Variants in KCTD16 observed in about 807,000 individuals in gnomAD.
KCTD16 encodes the protein BTB/POZ domain-containing protein KCTD16.
A neutral mutation model predicts 33.2 loss-of-function variants in KCTD16; 13 were observed. That is an observed-to-expected ratio of 0.39 (90% CI 0.25 to 0.62). KCTD16 has a LOEUF of 0.62. Ranked by LOEUF, KCTD16 falls within the 20% of genes least tolerant of loss-of-function variation. KCTD16 has a pLI of 0.50. For synonymous variants in KCTD16, 197 were observed against 195.3 expected, an observed-to-expected ratio of 1.01 and a Z score of -0.07; for missense variants, 441 against 525.1, an observed-to-expected ratio of 0.84 and a Z score of 1.57.
At chr5:144,389,840 CATAA>C (rs1752410868) in intron 3 of KCTD16, among the ~76,000 whole-genome samples, 1 of 152,160 alleles carries the variant, frequency 6.6e-6, no homozygotes, top group Non-Finnish European at 1.5e-5. Context: ...TTCTGTTGAT[CATAA>C]ATGTTTTAGG....
At chr5:144,391,478 C>T (rs911115674) in intron 3 of KCTD16, among the ~76,000 whole-genome samples, 11 of 152,206 alleles carry the variant, frequency 7.2e-5, no homozygotes, top group African/African-American at 1.9e-4. Context: ...TTCATTAACA[C>T]TGTCCCCACA....
At chr5:144,218,354 A>G (rs1753628827) in intron 3 of KCTD16, among the ~76,000 whole-genome samples, 1 of 152,180 alleles carries the variant, frequency 6.6e-6, no homozygotes, top group South Asian at 2.1e-4. Flanking sequence ...AGGAGAAAAT[A>G]TTTAAATCTT....
chr5:144,423,377 A>C (rs1753252938), intron 3 of KCTD16, among the ~76,000 whole-genome samples: 1 of 152,176 alleles, frequency 6.6e-6, no homozygotes, highest in South Asian at 2.1e-4. Context: ...TGTAGGGGAC[A>C]ATCAGACCTG....
chr5:144,313,129 ATTAT>A (rs1751810087), intron 3 of KCTD16, among the ~76,000 whole-genome samples: 1 of 152,230 alleles, frequency 6.6e-6, no homozygotes, highest in African/African-American at 2.4e-5. Context: ...GTTGATGAAC[ATTAT>A]TTAAATTGGC....
In KCTD16 at chr5:144,474,311, T is replaced by TC. The variant is rs1754547928; in HGVS notation, c.*197_*198insC. ...TCCACAGGGTAGATTTCTTTCTAGA[T>TC]GTGGAAGTACAAGAAAATCTTTTTT... is the stretch of plus-strand genomic sequence containing the variant. On this transcript the variant is annotated 3_prime_UTR_variant, in exon 4 of 4. Coordinates refer to ENST00000512467, the MANE Select transcript of KCTD16 (RefSeq NM_020768.4). The TC allele has an allele frequency of 3.7e-6, 2 of 544,758 alleles. No homozygotes were observed. Among genetic ancestry groups the TC allele is most frequent in the Non-Finnish European group, 6.4e-6 (2 of 311,162 alleles). The allele number at this position is 544,758 out of a possible 1,614,324, so 33.7% of individuals were successfully genotyped here.
intron 3 of KCTD16, among the ~76,000 whole-genome samples, chr5:144,268,059 A>C (rs963852589): frequency 2.0e-5 from 3 of 152,156 alleles, no homozygotes; most frequent in Non-Finnish European, 4.4e-5. Flanking sequence ...TCAGACTTCT[A>C]AGGGAAAGCT....
intron 3 of KCTD16, among the ~76,000 whole-genome samples, chr5:144,392,628 T>C (rs531905536): frequency 1.2e-4 from 18 of 152,350 alleles, no homozygotes; most frequent in East Asian, 1.9e-4. Context: ...CATGTATCTC[T>C]AGCGCTCCTT....
chr5:144,220,150 C>G (rs1334512354), intron 3 of KCTD16, among the ~76,000 whole-genome samples: 1 of 152,180 alleles, frequency 6.6e-6, no homozygotes, highest in East Asian at 1.9e-4. Flanking sequence ...TACCTCTCCC[C>G]CAAACACTCA....
chr5:144,183,285 A>G (rs1752663666), intron 2 of KCTD16, among the ~76,000 whole-genome samples: 1 of 152,218 alleles, frequency 6.6e-6, no homozygotes, highest in African/African-American at 2.4e-5. Context: ...CTATAAAAAC[A>G]TGGTCTCAAA....
intron 3 of KCTD16, among the ~76,000 whole-genome samples, chr5:144,276,279 A>T (rs912351061): frequency 1.3e-5 from 2 of 152,120 alleles, no homozygotes; most frequent in Admixed American, 1.3e-4. Flanking sequence ...TCTCTCAACA[A>T]TATCTCTTAG....
chr5:144,322,497 A>G (rs1752096936), intron 3 of KCTD16, among the ~76,000 whole-genome samples: 1 of 150,850 alleles, frequency 6.6e-6, no homozygotes, highest in Non-Finnish European at 1.5e-5. Context: ...AAAATTTACC[A>G]TCACAGAAAA....
chr5:144,325,544 G>C (rs144049422), intron 3 of KCTD16, among the ~76,000 whole-genome samples: 110 of 152,192 alleles, frequency 7.2e-4, no homozygotes, highest in Non-Finnish European at 1.3e-3. Flanking sequence ...TGCTCTCCCA[G>C]TTCTGGGCCT....
intron 2 of KCTD16, among the ~76,000 whole-genome samples, chr5:144,180,583 T>A (rs1302555342): frequency 1.3e-5 from 2 of 152,220 alleles, no homozygotes; most frequent in African/African-American, 4.8e-5. Flanking sequence ...GGGTAGCTCA[T>A]CTCTGTTCCA....
rs780567617 is a variant in KCTD16, at chr5:144,207,408, C to A, written c.694C>A (p.His232Asn). Reference protein sequence around the residue: ...YTSRFYLKFKHLERAFDMLSE... With the variant: ...YTSRFYLKFKNLERAFDMLSE... Reference sequence around the variant, plus strand: ...CTCCAGATTTTATCTCAAATTCAAGCACCTGGAAAGGGCTTTTGATATGTT... The same window carrying A: ...CTCCAGATTTTATCTCAAATTCAAGAACCTGGAAAGGGCTTTTGATATGTT... Residue 232 changes from histidine to asparagine, a missense_variant, in exon 3 of 4, where the codon CAC becomes AAC. By Grantham distance (68) the His-to-Asn change is moderately conservative. Around this residue, in one of 3 missense-constraint regions of KCTD16, gnomAD observed 355 missense variants for 413.0 expected, o/e 0.86. Coordinates refer to ENST00000512467, the MANE Select transcript of KCTD16 (RefSeq NM_020768.4). 1 of 1,614,200 alleles carries A rather than the reference C, an allele frequency of 6.2e-7. No homozygotes were observed. The highest frequency in any genetic ancestry group is 2.2e-5 in the East Asian group (1 of 44,876).
At chr5:144,334,842 T>G (rs1450322020) in intron 3 of KCTD16, among the ~76,000 whole-genome samples, 2 of 152,102 alleles carry the variant, frequency 1.3e-5, no homozygotes, top group Non-Finnish European at 2.9e-5. Context: ...GATGGTGCAG[T>G]CTTGGCTCAC....
intron 3 of KCTD16, among the ~76,000 whole-genome samples, chr5:144,227,408 A>C (rs1753966844): frequency 6.6e-6 from 1 of 152,184 alleles, no homozygotes. Flanking sequence ...GGAACTGGTA[A>C]GGGAGGAAGA....
intron 2 of KCTD16, among the ~76,000 whole-genome samples, chr5:144,178,623 T>A (rs1752553328): frequency 6.6e-6 from 1 of 152,198 alleles, no homozygotes; most frequent in Non-Finnish European, 1.5e-5. Flanking sequence ...CCCTGCTGTC[T>A]GTGATAATGA....
At chr5:144,411,699 TA>T (rs1483853053) in intron 3 of KCTD16, among the ~76,000 whole-genome samples, 1 of 152,082 alleles carries the variant, frequency 6.6e-6, no homozygotes, top group Non-Finnish European at 1.5e-5. Context: ...TACATCAAGC[TA>T]AAATGTTTCT....
chr5:144,177,492 AG>A (rs1238129844), intron 2 of KCTD16, among the ~76,000 whole-genome samples: 2 of 152,192 alleles, frequency 1.3e-5, no homozygotes, highest in Non-Finnish European at 2.9e-5. Flanking sequence ...TTTCCTTCTC[AG>A]GGCTGTGAGG....
Sources: allele counts gnomAD v4.1 joint callset (sites outside exome capture counted in the v4.1 genomes callset), GRCh38; gene constraint gnomAD v4.1.1; regional missense constraint gnomAD v4.1.1; transcripts MANE v1.5; gene names NCBI Gene and HGNC (gene_info 2026-07-23, HGNC 2026-07-21).